The following TSPAN7 variants were observed in gnomAD, a reference collection of about 807,000 sequenced individuals.
TSPAN7 encodes tetraspanin-7.
TSPAN7 carries 1 observed loss-of-function variant against 17.6 expected under a neutral mutation model. The ratio of observed to expected loss-of-function variants is 0.06; its 90% CI spans 0.02 to 0.27. The LOEUF (loss-of-function observed/expected upper bound fraction) is 0.27. Among genes scored for constraint, TSPAN7 ranks in the 10% least tolerant of loss-of-function variants. The probability of loss-of-function intolerance (pLI) is 1.00; values close to 1 mark genes in which losing one functional copy is unlikely to be tolerated. For synonymous variants in TSPAN7, 78 were observed against 79.0 expected (o/e 0.99, Z 0.07); for missense variants, 112 against 201.7 (o/e 0.56, Z 2.69).
chrX:38,569,665 A>G (rs1215443889), intron 1 of TSPAN7, among the ~76,000 whole-genome samples: 7 of 111,418 alleles, frequency 6.3e-5, no homozygotes, highest in African/African-American at 2.3e-4. Context: ...CACAGCTGCC[A>G]TAAGATTTTG....
At chrX:38,660,070 G>T (rs774726460) in intron 1 of TSPAN7, among the ~76,000 whole-genome samples, 1 of 109,364 alleles carries the variant, frequency 9.1e-6, no homozygotes, top group African/African-American at 3.3e-5. Context: ...CAAGTGATCC[G>T]CCCACCTCTG....
Position 38,686,648 on chromosome X carries a change from T to C in TSPAN7, c.682-951T>C, listed in dbSNP as rs774662188. ...AGTTATCTAAGGAGGAGGGACTACA[T>C]TGGCCAAGAGAAAGCAGCCTGTAGA... On this transcript the variant is annotated intron_variant, in intron 6 of 7. Coordinates refer to ENST00000378482, the MANE Select transcript of TSPAN7 (RefSeq NM_004615.4). Among the ~76,000 whole-genome samples, 67 of 112,162 alleles carry C rather than the reference T, an allele frequency of 6.0e-4. No individual in the cohort carries two copies. In the Middle Eastern group the frequency reaches 0.018, roughly 31 times the overall value.
intron 1 of TSPAN7, among the ~76,000 whole-genome samples, chrX:38,571,357 G>C (rs1296031101): frequency 1.8e-5 from 2 of 111,537 alleles, no homozygotes; most frequent in African/African-American, 6.5e-5. Flanking sequence ...GGTCTGGACA[G>C]AGTGCCAGAA....
chrX:38,680,312 T>G (rs1005359673), intron 5 of TSPAN7, among the ~76,000 whole-genome samples: 7 of 109,522 alleles, frequency 6.4e-5, no homozygotes, highest in Admixed American at 3.9e-4. Context: ...CATGGCTGGT[T>G]TTTTTTTTTC....
intron 1 of TSPAN7, among the ~76,000 whole-genome samples, chrX:38,581,494 A>AC (rs769035252): frequency 7.1e-4 from 76 of 106,814 alleles, no homozygotes; most frequent in South Asian, 3.0e-3. Context: ...CACGGGAAAG[A>AC]CCCCCCCCTC....
At chrX:38,594,288 C>G (rs1239945805) in intron 1 of TSPAN7, among the ~76,000 whole-genome samples, 1 of 110,702 alleles carries the variant, frequency 9.0e-6, no homozygotes, top group Non-Finnish European at 1.9e-5. Flanking sequence ...CTTTTCTTCC[C>G]CACTCTCTTC....
At chrX:38,683,926 GCCTATGCCTTAGCCTT>G (rs747762326) in intron 6 of TSPAN7, among the ~76,000 whole-genome samples, 3 of 112,907 alleles carry the variant, frequency 2.7e-5, no homozygotes, top group Non-Finnish European at 5.6e-5. Context: ...AGTTGTGTTG[GCCTATGCCTTAGCCTT>G]CCTATAATAA....
chrX:38,631,435 A>G (rs1365941091), intron 1 of TSPAN7, among the ~76,000 whole-genome samples: 2 of 111,866 alleles, frequency 1.8e-5, no homozygotes, highest in Non-Finnish European at 3.8e-5. Context: ...GTATAAAACA[A>G]AGGTGTGCTC....
At chrX:38,613,974 T>G (rs1468132591) in intron 1 of TSPAN7, among the ~76,000 whole-genome samples, 2 of 106,271 alleles carry the variant, frequency 1.9e-5, no homozygotes, top group Non-Finnish European at 3.9e-5. Context: ...GGTTTGAGGT[T>G]TTTTTTTTTT....
intron 1 of TSPAN7, among the ~76,000 whole-genome samples, chrX:38,616,582 C>A (rs112962636): frequency 9.5e-4 from 106 of 112,063 alleles, no homozygotes; most frequent in African/African-American, 3.3e-3. Flanking sequence ...AACTTAAAAA[C>A]CATGGCTTCA....
chrX:38,593,448 G>A (rs1452428208), intron 1 of TSPAN7, among the ~76,000 whole-genome samples: 1 of 111,485 alleles, frequency 9.0e-6, no homozygotes, highest in Non-Finnish European at 1.9e-5. Context: ...CCTAGCAACA[G>A]CTAGGAAATA....
chrX:38,688,593 G>A lies in TSPAN7; in HGVS notation c.*662G>A, dbSNP rs1243922652. 2 of 112,463 alleles carry A rather than the reference G, an allele frequency of 1.8e-5. No individual in the cohort carries two copies. Among genetic ancestry groups the A allele is most frequent in the Non-Finnish European group, 3.8e-5 (2 of 53,239 alleles). The allele number at this position is 112,463 out of a possible 1,213,427, so 9.3% of individuals were successfully genotyped here. A position where few individuals can be genotyped will look rare whatever the true frequency, so the allele number is the denominator to read the frequency against. On this transcript the variant is annotated 3_prime_UTR_variant, in exon 8 of 8. Transcript: ENST00000378482. ...CCTGGGTATGTGTAGGCAGTTTAGT[G>A]CATCTTTGCCTCTCGGTTGAAACCT...
At chrX:38,631,301 A>G (rs2069549709) in intron 1 of TSPAN7, among the ~76,000 whole-genome samples, 1 of 111,184 alleles carries the variant, frequency 9.0e-6, no homozygotes, top group African/African-American at 3.3e-5. Context: ...ATCAATTTGC[A>G]TAGACACCAT....
rs1376202672 is a variant in TSPAN7 at position 38,602,185 on chromosome X, A to G, written c.81+40558A>G. On this transcript the variant is annotated intron_variant, in intron 1 of 7. Coordinates refer to ENST00000378482, the MANE Select transcript of TSPAN7 (RefSeq NM_004615.4). ...CTGTGATGAGGTATGAGAGCTGAGC[A>G]TGAAGGAAAACCAAGTTTCTGCAGT... Among the ~76,000 whole-genome samples the G allele has an allele frequency of 4.5e-5, 5 of 112,068 alleles. No individual in the cohort carries two copies. The East Asian group carries it at 8.5e-4, about 19-fold the overall frequency.
chrX:38,570,722 C>T (rs190506937), intron 1 of TSPAN7: 1 of 111,925 alleles, frequency 8.9e-6, no homozygotes, highest in Non-Finnish European at 1.9e-5. Context: ...AGCTTCCAAT[C>T]TGAGTTACCT....
intron 1 of TSPAN7, chrX:38,566,214 A>T: frequency 5.3e-6 from 2 of 377,425 alleles, no homozygotes; most frequent in Non-Finnish European, 7.7e-6. Flanking sequence ...CTCTTTATAT[A>T]ATTGTGTTTG....
chrX:38,649,606 G>A (rs960722958), intron 1 of TSPAN7, among the ~76,000 whole-genome samples: 40 of 111,294 alleles, frequency 3.6e-4, no homozygotes, highest in African/African-American at 1.0e-3. Flanking sequence ...CTGTTCTCTC[G>A]CTGGTACAGG....
At position 38,605,564 on chromosome X, in the gene TSPAN7, A is replaced by C. The variant is rs1276353738; in HGVS notation, c.81+43937A>C. Among the ~76,000 whole-genome samples the C allele has an allele frequency of 4.1e-4, 43 of 106,038 alleles. 1 individual carries two copies. The highest frequency in any genetic ancestry group is 1.3e-3 in the African/African-American group (37 of 29,047). 92.1% of individuals were successfully genotyped at this position (106,038 alleles called of 115,157 possible). ...TCACAGAATTGGAAAAAACTACTTTAAAGTTCATATGGAACCAAAAAAGAG... is the reference window on the plus strand; with the variant it reads ...TCACAGAATTGGAAAAAACTACTTTCAAGTTCATATGGAACCAAAAAAGAG... On this transcript the variant is annotated intron_variant, in intron 1 of 7. Coordinates refer to ENST00000378482, the MANE Select transcript of TSPAN7 (RefSeq NM_004615.4).
intron 1 of TSPAN7, among the ~76,000 whole-genome samples, chrX:38,656,794 G>C (rs2069708053): frequency 9.0e-6 from 1 of 111,496 alleles, no homozygotes; most frequent in Non-Finnish European, 1.9e-5. Context: ...CATGCTCTTG[G>C]ACTCTCAAAG....
Sources: allele counts gnomAD v4.1 joint callset (sites outside exome capture counted in the v4.1 genomes callset), GRCh38; gene constraint gnomAD v4.1.1; transcripts MANE v1.5; gene names NCBI Gene and HGNC (gene_info 2026-07-23, HGNC 2026-07-21).